Variants in DAAM2 observed in about 807,000 individuals in gnomAD.
DAAM2 encodes the protein dishevelled associated activator of morphogenesis 2.
In DAAM2, 39 loss-of-function variants were observed where a neutral mutation model predicts 120.7. The observed-to-expected ratio is 0.32, with a 90% confidence interval of 0.25 to 0.42. DAAM2 has a LOEUF of 0.42. Ranked by LOEUF, DAAM2 falls within the 10% of genes least tolerant of loss-of-function variation. The probability of loss-of-function intolerance (pLI) is 1.00; values close to 1 mark genes in which losing one functional copy is unlikely to be tolerated. For missense variants in DAAM2, 1,283 were observed against 1,401.7 expected, an observed-to-expected ratio of 0.92 and a Z score of 1.35; for synonymous variants, 488 against 524.9, an observed-to-expected ratio of 0.93 and a Z score of 0.96.
intron 21 of DAAM2, among the ~76,000 whole-genome samples, chr6:39,898,252 C>T (rs979564821): frequency 6.6e-6 from 1 of 152,236 alleles, no homozygotes; most frequent in Non-Finnish European, 1.5e-5. Context: ...AGAGCATCTC[C>T]TCTCAGTAAT....
chr6:39,807,603 G>A (rs1582598950), intron 1 of DAAM2, among the ~76,000 whole-genome samples: 1 of 152,196 alleles, frequency 6.6e-6, no homozygotes, highest in Admixed American at 6.5e-5. Context: ...TGCAACCTCC[G>A]CCTCCTGGGT....
chr6:39,823,981 G>T (rs1394517138), intron 1 of DAAM2, among the ~76,000 whole-genome samples: 1 of 152,040 alleles, frequency 6.6e-6, no homozygotes, highest in Non-Finnish European at 1.5e-5. Flanking sequence ...CTGTCCCTCA[G>T]CTGGGCCCTG....
intron 10 of DAAM2, among the ~76,000 whole-genome samples, chr6:39,874,165 T>C (rs1764776932): frequency 6.6e-6 from 1 of 152,332 alleles, no homozygotes; most frequent in East Asian, 1.9e-4. Context: ...TACACATTAT[T>C]ATGTCCATTT....
chr6:39,820,829 C>T (rs1196714684), intron 1 of DAAM2: 1 of 152,190 alleles, frequency 6.6e-6, no homozygotes, highest in African/African-American at 2.4e-5. Context: ...CCTAAAGTTC[C>T]TATTGGGACT....
At chr6:39,798,426 CA>C (rs997309793) in intron 1 of DAAM2, among the ~76,000 whole-genome samples, 17 of 152,078 alleles carry the variant, frequency 1.1e-4, no homozygotes, top group Non-Finnish European at 2.1e-4. Flanking sequence ...ACTAACTAGA[CA>C]AAAGTCAAAA....
intron 1 of DAAM2, among the ~76,000 whole-genome samples, chr6:39,845,382 A>AC: frequency 1.7e-3 from 1 of 572 alleles, no homozygotes; most frequent in African/African-American, 5.0e-3. Flanking sequence ...ATACACATAT[A>AC]CACACACCAC....
intron 1 of DAAM2, chr6:39,821,129 T>C (rs1459235659): frequency 6.6e-6 from 1 of 152,302 alleles, no homozygotes; most frequent in African/African-American, 2.4e-5. Flanking sequence ...TTCTAGCATT[T>C]CCACCCACCT....
At chr6:39,794,436 G>T (rs149808903) in intron 1 of DAAM2, among the ~76,000 whole-genome samples, 2 of 152,270 alleles carry the variant, frequency 1.3e-5, no homozygotes, top group East Asian at 3.9e-4. Flanking sequence ...TTTTCCTCCA[G>T]CGCCTCGGAT....
Position 39,883,964 on chromosome 6 carries a change from G to A in DAAM2, c.1848G>A (p.Glu616=), listed in dbSNP as rs1765254884. The change falls in exon 15 of 25, where the codon GAG becomes GAA. Residue 616 remains glutamate (E), a splice_region_variant and synonymous_variant. Coordinates refer to ENST00000274867, the MANE Select transcript of DAAM2 (RefSeq NM_001201427.2). Reference sequence around the variant, plus strand: ...CTTCTCCCTACCCTGAATTTTAGGAGCGTGTCCCTGGCACCGTATGGAATG... The same window carrying A: ...CTTCTCCCTACCCTGAATTTTAGGAACGTGTCCCTGGCACCGTATGGAATG... The part of the protein sequence containing the change: ...KSFNWVKLNE[E]RVPGTVWNEI... 6.2e-7 allele frequency: 1 copy of A among 1,610,166 alleles called. No individual in the cohort carries two copies. The highest frequency in any genetic ancestry group is 8.5e-7 in the Non-Finnish European group (1 of 1,176,734).
intron 1 of DAAM2, among the ~76,000 whole-genome samples, chr6:39,811,350 T>A (rs1762156180): frequency 6.6e-6 from 1 of 152,116 alleles, no homozygotes; most frequent in Non-Finnish European, 1.5e-5. Context: ...TTGCAAGCAC[T>A]CCAGTTGTTA....
At chr6:39,856,559 G>T in intron 2 of DAAM2, 89 bp downstream of exon 2, 1 of 1,095,096 alleles carries the variant, frequency 9.1e-7, no homozygotes, top group Non-Finnish European at 1.2e-6. Context: ...CCCCTGTGCT[G>T]GGGTCTCCAT....
Position 39,879,288 on chromosome 6 carries a change from T to TCCCCCCCCC in DAAM2, c.1661_1662insCCCCCCCCC (p.Pro557_Pro559dup). On this transcript the variant is annotated inframe_insertion, in exon 14 of 25. Transcript: ENST00000274867. ...CTCCTCCTCTGCCCTTTGCCTGTTG[T>TCCCCCCCCC]CCCCCTCCCCCACCACCACCCCTTC... The TCCCCCCCCC allele has an allele frequency of 6.9e-7, 1 of 1,451,726 alleles. No individual in the cohort carries two copies. Among genetic ancestry groups the TCCCCCCCCC allele is most frequent in the Non-Finnish European group, 9.5e-7 (1 of 1,057,252 alleles). The allele number at this position is 1,451,726 out of a possible 1,614,324, so 89.9% of individuals were successfully genotyped here. A position where few individuals can be genotyped will look rare whatever the true frequency, so the allele number is the denominator to read the frequency against.
At chr6:39,864,571 C>A in intron 4 of DAAM2, 64 bp downstream of exon 4, 1 of 1,367,878 alleles carries the variant, frequency 7.3e-7, no homozygotes, top group Non-Finnish European at 1.0e-6. Context: ...GAGTGATTCC[C>A]CCAGCCCCCA....
chr6:39,805,557 ATTT>A (rs35097341), intron 1 of DAAM2, among the ~76,000 whole-genome samples: 5 of 142,560 alleles, frequency 3.5e-5, no homozygotes, highest in Admixed American at 7.0e-5. Flanking sequence ...TCCTAAGGTT[ATTT>A]TTTTTTTTTT....
intron 1 of DAAM2, among the ~76,000 whole-genome samples, chr6:39,798,328 CTG>C (rs2113990463): frequency 6.6e-6 from 1 of 152,310 alleles, no homozygotes; most frequent in East Asian, 1.9e-4. Context: ...CATAGGATGA[CTG>C]TGAGGGTTGT....
intron 1 of DAAM2, among the ~76,000 whole-genome samples, chr6:39,838,649 C>T (rs11757038): frequency 0.18 from 26,758 of 151,992 alleles, 2,673 homozygotes; most frequent in South Asian, 0.31. Context: ...TGATTTGGGA[C>T]TTTCTTTTTT....
chr6:39,834,054 C>G (rs551383537), intron 1 of DAAM2, among the ~76,000 whole-genome samples: 3 of 152,124 alleles, frequency 2.0e-5, no homozygotes. Flanking sequence ...TTGACCCCGT[C>G]GTATGCCTGA....
intron 1 of DAAM2, among the ~76,000 whole-genome samples, chr6:39,850,431 G>A (rs1420982254): frequency 2.0e-5 from 3 of 152,062 alleles, no homozygotes; most frequent in African/African-American, 4.8e-5. Context: ...AACTCTCCTT[G>A]TTGTCACTGC....
chr6:39,849,513 T>C (rs1007772011), intron 1 of DAAM2, among the ~76,000 whole-genome samples: 1 of 152,198 alleles, frequency 6.6e-6, no homozygotes, highest in Admixed American at 6.5e-5. Flanking sequence ...CTATGAATTA[T>C]GTACTATTAT....
Sources: gnomAD v4.1 joint callset for allele counts (sites outside exome capture counted in the v4.1 genomes callset) on GRCh38, gnomAD v4.1.1 for gene constraint, MANE v1.5 for transcripts, NCBI Gene and HGNC (gene_info 2026-07-23, HGNC 2026-07-21) for gene names.